Variants in ADGRA2 observed in about 807,000 individuals in gnomAD.
The protein encoded by ADGRA2 is G-protein coupled receptor 124.
In ADGRA2, 61 loss-of-function variants were observed where a neutral mutation model predicts 98.7. That is an observed-to-expected ratio of 0.62 (90% CI 0.50 to 0.76). The LOEUF is 0.76. Among genes scored for constraint, ADGRA2 ranks in the 30% least tolerant of loss-of-function variants. The pLI, the probability that ADGRA2 is intolerant of heterozygous loss-of-function variation, is 0.00. For missense variants in ADGRA2, 1,712 were observed against 1,860.0 expected (o/e 0.92, Z 1.46); for synonymous variants, 858 against 831.5 (o/e 1.03, Z -0.55).
intron 5 of ADGRA2, 136 bp from the exon 6 acceptor site, chr8:37,829,715 G>T: frequency 9.9e-7 from 1 of 1,006,016 alleles, no homozygotes; most frequent in South Asian, 1.4e-5. Flanking sequence ...GCGATGGCCC[G>T]GGGCAGAGAT....
intron 14 of ADGRA2, among the ~76,000 whole-genome samples, chr8:37,838,455 G>A (rs1305493699): frequency 6.6e-6 from 1 of 152,162 alleles, no homozygotes; most frequent in African/African-American, 2.4e-5. Flanking sequence ...GTTTTGCCAT[G>A]TTGGCCAGGC....
At chr8:37,833,859 G>A in intron 10 of ADGRA2, 22 bp downstream of exon 10, 1 of 1,612,314 alleles carries the variant, frequency 6.2e-7, no homozygotes, top group Non-Finnish European at 8.5e-7. Flanking sequence ...CTGGAACTCA[G>A]GAGCTCGGAA....
In ADGRA2 at chr8:37,844,839, C is replaced by T. The variant is rs751876923; in HGVS notation, c.*2484C>T. 8 of 1,614,064 alleles carry T rather than the reference C, an allele frequency of 5.0e-6. No individual in the cohort carries two copies. The highest frequency in any genetic ancestry group is 1.6e-4 in the Middle Eastern group (1 of 6,084). ...AAAGGCAGAGCGGACCAGTGACTGGCGGTGCTGGAGAAGGTCACCGATGTG... is the reference window on the plus strand; with the variant it reads ...AAAGGCAGAGCGGACCAGTGACTGGTGGTGCTGGAGAAGGTCACCGATGTG... On this transcript the variant is annotated 3_prime_UTR_variant, in exon 19 of 19. Coordinates refer to ENST00000412232, the MANE Select transcript of ADGRA2 (RefSeq NM_032777.10).
At position 37,837,838 on chromosome 8, in the gene ADGRA2, G is replaced by T; in HGVS notation, c.2158G>T (p.Glu720Ter). 1.3e-6 allele frequency: 2 copies of T among 1,527,576 alleles called. No homozygotes were observed. The highest frequency in any genetic ancestry group is 1.8e-6 in the Non-Finnish European group (2 of 1,135,676). 94.6% of individuals were successfully genotyped at this position (1,527,576 alleles called of 1,614,324 possible). Reference protein sequence around the residue: ...AAWWSQEGPGEAGGWTSEGCQ... With the variant: ...AAWWSQEGPG ...TTGGTGGAGCCAGGAGGGGCCCGGG[G>T]AGGCTGGGGGCTGGACCTCGGAGGG... The change falls in exon 14 of 19, where the codon GAG (glutamate) becomes TAG (stop). Residue 720 changes from glutamate to a stop codon, truncating the protein, a stop_gained. Coordinates refer to ENST00000412232, the MANE Select transcript of ADGRA2 (RefSeq NM_032777.10). LOFTEE classifies it high-confidence loss of function.
chr8:37,799,865 A>G (rs1044317401), intron 1 of ADGRA2, among the ~76,000 whole-genome samples: 5 of 152,174 alleles, frequency 3.3e-5, no homozygotes, highest in Admixed American at 2.6e-4. Flanking sequence ...CCCCAGCCAC[A>G]GACTTACTGC....
chr8:37,838,065 GC>G, intron 14 of ADGRA2, 126 bp downstream of exon 14: 2 of 805,352 alleles, frequency 2.5e-6, no homozygotes, highest in Non-Finnish European at 3.7e-6. Flanking sequence ...CCCTAATTGG[GC>G]CCCATGAGTG....
At chr8:37,819,076 G>A (rs7008681) in intron 2 of ADGRA2, among the ~76,000 whole-genome samples, 10,468 of 152,218 alleles carry the variant, frequency 0.069, 1,157 homozygotes, top group African/African-American at 0.23. Context: ...GGCTACTGGG[G>A]TGGCCTTCGA....
Position 37,829,854 on chromosome 8 carries a change from C to T in ADGRA2, c.558C>T (p.Asp186=). The T allele has an allele frequency of 6.2e-7, 1 of 1,610,482 alleles. No individual in the cohort carries two copies. Among genetic ancestry groups the T allele is most frequent in the Non-Finnish European group, 8.5e-7 (1 of 1,178,614 alleles). ...FDELPALKVV[D]LGTEFLTCDC... is the part of the protein sequence containing the mutation. The stretch of plus-strand genomic sequence containing the variant: ...GACCCCTCTGCCCACCCTGCAGGGA[C>T]TTGGGCACCGAGTTCCTGACCTGTG... Residue 186 remains aspartate, a synonymous_variant, in exon 6 of 19, where the codon GAC becomes GAT. Transcript: ENST00000412232.
chr8:37,829,007 G>T, intron 3 of ADGRA2, 48 bp downstream of exon 3: 1 of 1,336,078 alleles, frequency 7.5e-7, no homozygotes. Flanking sequence ...TCCCGAGGGA[G>T]AAAGTCACCC....
chr8:37,836,220 G>A (rs1805612179), intron 13 of ADGRA2, among the ~76,000 whole-genome samples: 2 of 152,162 alleles, frequency 1.3e-5, no homozygotes, highest in South Asian at 4.1e-4. Context: ...GGCTACCTAA[G>A]CAGTAGAGGG....
At chr8:37,832,028 C>T (rs1014662435) in intron 8 of ADGRA2, among the ~76,000 whole-genome samples, 2 of 152,146 alleles carry the variant, frequency 1.3e-5, no homozygotes, top group Non-Finnish European at 2.9e-5. Flanking sequence ...CCATTGCACT[C>T]CAGCCTCAGC....
intron 1 of ADGRA2, among the ~76,000 whole-genome samples, chr8:37,801,476 G>A (rs1366029935): frequency 1.3e-5 from 2 of 152,190 alleles, no homozygotes; most frequent in African/African-American, 4.8e-5. Context: ...AGTATTACTC[G>A]GCAGCAGCTG....
At chr8:37,803,900 C>A (rs1804576338) in intron 1 of ADGRA2, among the ~76,000 whole-genome samples, 3 of 152,052 alleles carry the variant, frequency 2.0e-5, no homozygotes, top group African/African-American at 7.2e-5. Flanking sequence ...GTCTCAGGGC[C>A]CCCTCTACCG....
chr8:37,844,627 CAGG>C lies in ADGRA2; in HGVS notation c.*2273_*2275del. 1.2e-6 allele frequency: 2 copies of C among 1,614,120 alleles called. No individual in the cohort carries two copies. Among genetic ancestry groups the C allele is most frequent in the Non-Finnish European group, 1.7e-6 (2 of 1,180,020 alleles). ...TTCTCATCTCCAGTGACAGTGGAGA[CAGG>C]GGGTACAGGGCAGATCCGCTTCGGG... On this transcript the variant is annotated 3_prime_UTR_variant, in exon 19 of 19. Transcript: ENST00000412232.
intron 1 of ADGRA2, among the ~76,000 whole-genome samples, chr8:37,811,386 G>T (rs1804827889): frequency 6.7e-6 from 1 of 150,220 alleles, no homozygotes; most frequent in Non-Finnish European, 1.5e-5. Context: ...TGGCCAGGCT[G>T]GTCTCCAACT....
At chr8:37,804,957 C>T (rs1346535353) in intron 1 of ADGRA2, among the ~76,000 whole-genome samples, 3 of 152,244 alleles carry the variant, frequency 2.0e-5, no homozygotes, top group Admixed American at 1.3e-4. Flanking sequence ...CTAAAACGCC[C>T]TTCCAACTGT....
intron 2 of ADGRA2, 152 bp downstream of exon 2, chr8:37,815,119 G>T (rs1034790191): frequency 3.2e-6 from 2 of 631,594 alleles, no homozygotes. Context: ...CCCTGCCCAG[G>T]GCTTGACCAA....
intron 1 of ADGRA2, among the ~76,000 whole-genome samples, chr8:37,804,100 G>GAC (rs60565183): frequency 0.11 from 12,098 of 106,934 alleles, 824 homozygotes; most frequent in Middle Eastern, 0.2. Context: ...CCCACGGTGA[G>GAC]ACACACACAC....
intron 2 of ADGRA2, among the ~76,000 whole-genome samples, chr8:37,827,449 CA>C (rs1365292365): frequency 6.6e-6 from 1 of 152,226 alleles, no homozygotes; most frequent in Non-Finnish European, 1.5e-5. Context: ...CCTGCAGCCC[CA>C]GGGGCAGGTG....
Sources: allele counts gnomAD v4.1 joint callset (sites outside exome capture counted in the v4.1 genomes callset), GRCh38; gene constraint gnomAD v4.1.1; transcripts MANE v1.5; gene names NCBI Gene and HGNC (gene_info 2026-07-23, HGNC 2026-07-21).